Variants in WT1 observed in about 807,000 individuals in gnomAD.
WT1 encodes the protein WT1 transcription factor.
In WT1, 8 loss-of-function variants were observed where a neutral mutation model predicts 60.8. That is an observed-to-expected ratio of 0.13 (90% confidence interval 0.08 to 0.24). The LOEUF (loss-of-function observed/expected upper bound fraction) is 0.24, where lower values mean the gene tolerates loss of function less well. Ranked by LOEUF, WT1 falls within the 10% of genes least tolerant of loss-of-function variation. The pLI is 1.00. For synonymous variants in WT1, 312 were observed against 297.1 expected, an observed-to-expected ratio of 1.05 and a Z score of -0.52; for missense variants, 568 against 711.8, an observed-to-expected ratio of 0.80 and a Z score of 2.30.
At chr11:32,434,233 G>A in intron 1 of WT1, among the ~76,000 whole-genome samples, 1 of 152,234 alleles carries the variant, frequency 6.6e-6, no homozygotes, top group Non-Finnish European at 1.5e-5. Flanking sequence ...TTAGCGCTGC[G>A]GAGGCAGCAC....
intron 6 of WT1, among the ~76,000 whole-genome samples, chr11:32,397,704 C>T (rs963052213): frequency 2.0e-5 from 3 of 152,126 alleles, no homozygotes; most frequent in Non-Finnish European, 4.4e-5. Flanking sequence ...TCCACTCTAC[C>T]CCATGCTTAT....
intron 1 of WT1, among the ~76,000 whole-genome samples, chr11:32,434,095 A>G (rs2133098493): frequency 6.6e-6 from 1 of 152,362 alleles, no homozygotes; most frequent in Non-Finnish European, 1.5e-5. Flanking sequence ...CACGGACACG[A>G]CGCTGTTCCA....
chr11:32,428,364 T>G, intron 2 of WT1, 133 bp downstream of exon 2: 9 of 1,449,946 alleles, frequency 6.2e-6, no homozygotes, highest in African/African-American at 1.4e-5. Context: ...TACAGTGCCA[T>G]TGGGGTAATG....
chr11:32,422,667 T>C (rs1480707469), intron 3 of WT1, among the ~76,000 whole-genome samples: 1 of 152,176 alleles, frequency 6.6e-6, no homozygotes, highest in African/African-American at 2.4e-5. Context: ...AGGAAGTTTC[T>C]CTCATATGAA....
At chr11:32,409,545 A>G (rs189708175) in intron 5 of WT1, among the ~76,000 whole-genome samples, 64 of 151,692 alleles carry the variant, frequency 4.2e-4, no homozygotes, top group Non-Finnish European at 7.8e-4. Flanking sequence ...TGCAGCCTCA[A>G]ACTCCTGGGC....
chr11:32,406,960 G>C (rs1010598918), intron 5 of WT1, among the ~76,000 whole-genome samples: 13 of 152,002 alleles, frequency 8.6e-5, no homozygotes, highest in Non-Finnish European at 1.5e-4. Flanking sequence ...TTAGCCGGGT[G>C]GGGTGGTGGG....
chr11:32,425,924 T>C (rs1383145756), intron 3 of WT1, among the ~76,000 whole-genome samples: 1 of 152,228 alleles, frequency 6.6e-6, no homozygotes, highest in African/African-American at 2.4e-5. Context: ...TGATGTTTCC[T>C]ACTTCCCTAG....
chr11:32,411,053 C>A (rs1269376431), intron 5 of WT1, among the ~76,000 whole-genome samples: 4 of 105,234 alleles, frequency 3.8e-5, no homozygotes, highest in Non-Finnish European at 6.0e-5. Context: ...TCTGATGTAA[C>A]CTCTCCCTCT....
chr11:32,404,173 G>A (rs1436689161), intron 5 of WT1, among the ~76,000 whole-genome samples: 7 of 151,252 alleles, frequency 4.6e-5, no homozygotes, highest in African/African-American at 1.7e-4. Flanking sequence ...GGGAGGCTGA[G>A]GCAGGAGAAT....
In WT1 at chr11:32,408,514, T is replaced by TAAA. The variant is rs58685266; in HGVS notation, c.1016+7973_1016+7975dup. Among the ~76,000 whole-genome samples, 63 of 74,222 alleles carry TAAA rather than the reference T, an allele frequency of 8.5e-4. 1 individual carries two copies. Among genetic ancestry groups the TAAA allele is most frequent in the African/African-American group, 1.2e-3 (27 of 21,760 alleles). The allele number at this position is 74,222 out of a possible 152,430, so 48.7% of individuals were successfully genotyped here. ...TGGGCAACAGAAGGAGACTACGTCTTAAAAAAAAAAAAAAAAAAAAAAAAA... is the reference window on the plus strand; with the variant it reads ...TGGGCAACAGAAGGAGACTACGTCTTAAAAAAAAAAAAAAAAAAAAAAAAAAAA... On this transcript the variant is annotated intron_variant, in intron 5 of 9. Transcript: ENST00000452863.
At chr11:32,405,678 G>A (rs1852287660) in intron 5 of WT1, among the ~76,000 whole-genome samples, 1 of 152,018 alleles carries the variant, frequency 6.6e-6, no homozygotes, top group African/African-American at 2.4e-5. Flanking sequence ...GAAAATTACA[G>A]CACTTCCCGC....
intron 3 of WT1, among the ~76,000 whole-genome samples, chr11:32,420,209 T>A (rs936464308): frequency 2.0e-5 from 3 of 152,246 alleles, no homozygotes; most frequent in African/African-American, 7.2e-5. Flanking sequence ...CAGCTTCTTA[T>A]TTTTTGAATG....
intron 1 of WT1, among the ~76,000 whole-genome samples, chr11:32,432,895 G>C (rs1449576170): frequency 1.3e-5 from 2 of 152,170 alleles, no homozygotes; most frequent in Non-Finnish European, 2.9e-5. Flanking sequence ...GTGCCCCAGG[G>C]GCATGGATTC....
At chr11:32,418,080 G>T (rs1203223675) in intron 3 of WT1, among the ~76,000 whole-genome samples, 1 of 151,910 alleles carries the variant, frequency 6.6e-6, no homozygotes, top group East Asian at 1.9e-4. Flanking sequence ...TAATCAAAAG[G>T]ATAAGTATCA....
rs142726499 is a variant in WT1 at position 32,388,516 on chromosome 11, C to T, written c.*542G>A. ...AGTTGCCTGGCAGAACTACATCCTG[C>T]TTTCCAGGTTAGCAGCCTGGCTGAC... is the stretch of plus-strand genomic sequence containing the variant. On this transcript the variant is annotated 3_prime_UTR_variant, in exon 10 of 10. Coordinates refer to ENST00000452863, the MANE Select transcript of WT1 (RefSeq NM_024426.6). 2.5e-3 allele frequency: 606 copies of T among 241,776 alleles called. 1 individual carries two copies. The highest frequency in any genetic ancestry group is 0.012 in the African/African-American group (543 of 45,568). 15.0% of individuals were successfully genotyped at this position (241,776 alleles called of 1,614,324 possible).
At position 32,435,199 on chromosome 11, in the gene WT1, G is replaced by C. The variant is rs776954184; in HGVS notation, c.162C>G (p.Ser54Arg). The C allele has an allele frequency of 2.5e-5, 38 of 1,530,824 alleles. No individual in the cohort carries two copies. The Admixed American group carries it at 3.1e-4, about 13-fold the overall frequency. The allele number at this position is 1,530,824 out of a possible 1,614,324, so 94.8% of individuals were successfully genotyped here. ...TCCTCCGGCCCTGGAGACGTTCAGC[G>C]CTGGCCTCGGCGGCGCCTAACTTGG... The change falls in exon 1 of 10, where the codon AGC becomes AGG. Residue 54 changes from serine (S) to arginine (R), a missense_variant. Ser to Arg is a moderately radical substitution (Grantham distance 110, BLOSUM62 -1). Around this residue, in one of 3 missense-constraint regions of WT1, gnomAD observed 523 missense variants for 565.1 expected, o/e 0.93. Transcript: ENST00000452863.
intron 7 of WT1, among the ~76,000 whole-genome samples, chr11:32,393,687 T>A (rs1439664855): frequency 1.8e-4 from 27 of 152,232 alleles, no homozygotes; most frequent in Admixed American, 1.8e-3. Flanking sequence ...TCACACTAAA[T>A]GTCCCCCATC....
intron 6 of WT1, among the ~76,000 whole-genome samples, chr11:32,399,170 A>G (rs1852068829): frequency 6.6e-6 from 1 of 151,166 alleles, no homozygotes; most frequent in Non-Finnish European, 1.5e-5. Context: ...AAAAAAAAAA[A>G]GAAAAAGAAA....
At chr11:32,418,114 G>A (rs146236862) in intron 3 of WT1, among the ~76,000 whole-genome samples, 31 of 151,972 alleles carry the variant, frequency 2.0e-4, no homozygotes, top group African/African-American at 7.5e-4. Flanking sequence ...GGTCTGAAAA[G>A]TCAGAGTGAT....
Sources: gnomAD v4.1 joint callset for allele counts (sites outside exome capture counted in the v4.1 genomes callset) on GRCh38, gnomAD v4.1.1 for gene constraint, gnomAD v4.1.1 regional missense constraint, MANE v1.5 for transcripts, NCBI Gene and HGNC (gene_info 2026-07-23, HGNC 2026-07-21) for gene names.